LGI1: variants seen among roughly 807,000 people sequenced by gnomAD.
The protein encoded by LGI1 is leucine rich glioma inactivated 1.
In LGI1, 11 loss-of-function variants were observed where a neutral mutation model predicts 57.7. The observed-to-expected ratio is 0.19, with a 90% CI of 0.12 to 0.32. The LOEUF (loss-of-function observed/expected upper bound fraction) is 0.32. Ranked by LOEUF, LGI1 falls within the 10% of genes least tolerant of loss-of-function variation. The pLI is 1.00. For missense variants in LGI1, 422 were observed against 661.9 expected, an observed-to-expected ratio of 0.64 and a Z score of 3.98; for synonymous variants, 222 against 241.9, an observed-to-expected ratio of 0.92 and a Z score of 0.76.
intron 2 of LGI1, chr10:93,766,766 C>G (rs1034477678): frequency 6.6e-6 from 1 of 152,130 alleles, no homozygotes; most frequent in African/African-American, 2.4e-5. Flanking sequence ...CTCGGCCTCC[C>G]GAAGTGCTGG....
At chr10:93,762,649 T>C (rs999887751) in intron 2 of LGI1, 1 of 152,198 alleles carries the variant, frequency 6.6e-6, no homozygotes, top group Non-Finnish European at 1.5e-5. Flanking sequence ...GATGCCCCCA[T>C]GATGGACCAA....
At chr10:93,795,431 G>T (rs531451109) in intron 7 of LGI1, among the ~76,000 whole-genome samples, 24 of 152,196 alleles carry the variant, frequency 1.6e-4, no homozygotes, top group African/African-American at 5.8e-4. Flanking sequence ...TAACAGACTC[G>T]CTCAAGCCCT....
In LGI1 at chr10:93,758,124, TGG is replaced by T; in HGVS notation, c.-18_-17del. The T allele has an allele frequency of 6.2e-7, 1 of 1,607,336 alleles. No individual in the cohort carries two copies. Among genetic ancestry groups the T allele is most frequent in the Non-Finnish European group, 8.5e-7 (1 of 1,173,916 alleles). On this transcript the variant is annotated 5_prime_UTR_variant, in exon 1 of 8. Coordinates refer to ENST00000371418, the MANE Select transcript of LGI1 (RefSeq NM_005097.4). The surrounding 1 kb of genome is among the most constrained non-coding windows in gnomAD (Gnocchi z 4.7). ...GAATTCCAGAAGCCCTGTTCATGGT[TGG>T]GGATATTTTCTCGACTGCATGGAAT...
At chr10:93,784,328 C>T (rs937782009) in intron 4 of LGI1, among the ~76,000 whole-genome samples, 1 of 152,182 alleles carries the variant, frequency 6.6e-6, no homozygotes, top group Admixed American at 6.5e-5. Flanking sequence ...ATCACCTATC[C>T]TAGTGTCATC....
At chr10:93,774,460 A>G (rs2059772043) in intron 2 of LGI1, among the ~76,000 whole-genome samples, 1 of 152,182 alleles carries the variant, frequency 6.6e-6, no homozygotes, top group South Asian at 2.1e-4. Context: ...TCTCCTAAGC[A>G]TTCTTTGCAC....
chr10:93,777,344 T>C (rs751385350), intron 2 of LGI1, 35 bp from the exon 3 acceptor site: 10 of 1,588,726 alleles, frequency 6.3e-6, no homozygotes, highest in Non-Finnish European at 8.6e-6. Flanking sequence ...AATCTGTCAG[T>C]TTCACCATTT....
rs766323679 is a variant in LGI1, at chr10:93,797,517, C to T, written c.1388C>T (p.Ser463Phe). Residue 463 changes from serine to phenylalanine, a missense_variant, in exon 8 of 8, where the codon TCC becomes TTC. Transcript: ENST00000371418. This position sits in a 1 kb window ranked among gnomAD's most constrained non-coding sequence, Gnocchi z 6.5. ...GDSKVMKWGG[S>F]SFQDIQRMPS... is the part of the protein sequence containing the mutation. Reference sequence around the variant, plus strand: ...TCCAAAGTCATGAAATGGGGAGGCTCCTCGTTCCAGGATATTCAGAGGATG... The same window carrying T: ...TCCAAAGTCATGAAATGGGGAGGCTTCTCGTTCCAGGATATTCAGAGGATG... 8.1e-6 allele frequency: 13 copies of T among 1,614,156 alleles called. No homozygotes were observed. In the South Asian group the frequency reaches 1.1e-4, roughly 14 times the overall value.
chr10:93,790,700 AG>A (rs1412637338), intron 5 of LGI1: 1 of 152,924 alleles, frequency 6.5e-6, no homozygotes, highest in Non-Finnish European at 1.5e-5. Context: ...CTTAAGCCCC[AG>A]GAAGGGAATG....
intron 7 of LGI1, among the ~76,000 whole-genome samples, 168 bp from the exon 8 acceptor site, chr10:93,796,800 T>C (rs1453847146): frequency 1.3e-5 from 2 of 152,094 alleles, no homozygotes; most frequent in African/African-American, 4.8e-5. Flanking sequence ...GCACGGAACT[T>C]TAGGACACTG....
intron 2 of LGI1, chr10:93,767,678 C>A (rs991211446): frequency 2.0e-5 from 3 of 152,156 alleles, no homozygotes; most frequent in Admixed American, 2.0e-4. Flanking sequence ...CAACTCAAGA[C>A]CATTTTGTTA....
chr10:93,783,901 A>G (rs912293985), intron 4 of LGI1, among the ~76,000 whole-genome samples: 1 of 152,172 alleles, frequency 6.6e-6, no homozygotes, highest in African/African-American at 2.4e-5. Flanking sequence ...AATCCCAGCT[A>G]CTTAAGAGGC....
At chr10:93,770,218 C>T (rs955092811) in intron 2 of LGI1, 14 of 152,388 alleles carry the variant, frequency 9.2e-5, no homozygotes, top group African/African-American at 2.6e-4. Context: ...CCTCGCTTTA[C>T]AACATAGAGA....
intron 2 of LGI1, among the ~76,000 whole-genome samples, chr10:93,760,192 A>T (rs2059608219): frequency 6.6e-6 from 1 of 152,194 alleles, no homozygotes; most frequent in African/African-American, 2.4e-5. Flanking sequence ...CTACTGGCTG[A>T]TGTCTTCAAA....
chr10:93,795,122 T>C (rs1011766603), intron 7 of LGI1, among the ~76,000 whole-genome samples: 4 of 152,202 alleles, frequency 2.6e-5, no homozygotes, highest in Non-Finnish European at 5.9e-5. Context: ...TCAATTTCTT[T>C]GAATGACTCT....
At chr10:93,767,536 T>C (rs1406453680) in intron 2 of LGI1, 1 of 152,230 alleles carries the variant, frequency 6.6e-6, no homozygotes, top group African/African-American at 2.4e-5. Flanking sequence ...ATGCATGTGA[T>C]AATTCATCTT....
intron 4 of LGI1, among the ~76,000 whole-genome samples, chr10:93,783,673 G>A (rs17109405): frequency 6.6e-6 from 1 of 152,020 alleles, no homozygotes; most frequent in South Asian, 2.1e-4. Flanking sequence ...ATATGTACGC[G>A]TCCTCTCGTC....
At chr10:93,787,136 C>A (rs1018470900) in intron 4 of LGI1, among the ~76,000 whole-genome samples, 3 of 152,156 alleles carry the variant, frequency 2.0e-5, no homozygotes, top group Admixed American at 1.3e-4. Flanking sequence ...TGAATCCAGG[C>A]AGCCTTCTCA....
chr10:93,765,766 G>A (rs565550496), intron 2 of LGI1: 1 of 151,930 alleles, frequency 6.6e-6, no homozygotes, highest in African/African-American at 2.4e-5. Flanking sequence ...GTCAGGAGAT[G>A]GAGAACATCC....
intron 2 of LGI1, chr10:93,763,601 A>T (rs186003290): frequency 1.3e-5 from 2 of 152,060 alleles, no homozygotes; most frequent in Non-Finnish European, 2.9e-5. Flanking sequence ...ACTCTTTCTG[A>T]TGTTTGGTGC....
Sources: gnomAD v4.1 joint callset for allele counts (sites outside exome capture counted in the v4.1 genomes callset) on GRCh38, gnomAD v4.1.1 for gene constraint, Gnocchi (gnomAD v3.1) non-coding constraint, MANE v1.5 for transcripts, NCBI Gene and HGNC (gene_info 2026-07-23, HGNC 2026-07-21) for gene names.